Variants in NLRP4 observed in about 807,000 individuals in gnomAD.
The protein encoded by NLRP4 is NACHT, LRR and PYD domains-containing protein 4.
NLRP4 carries 44 observed loss-of-function variants against 84.7 expected under a neutral mutation model. The observed-to-expected ratio is 0.52, with a 90% CI of 0.41 to 0.67. NLRP4 has a LOEUF of 0.67. Ranked by LOEUF, NLRP4 falls within the 30% of genes least tolerant of loss-of-function variation. The probability of loss-of-function intolerance (pLI) is 0.00; values close to 1 mark genes in which losing one functional copy is unlikely to be tolerated. For missense variants in NLRP4, 1,260 were observed against 1,219.4 expected (o/e 1.03, Z -0.50); for synonymous variants, 544 against 476.4 (o/e 1.14, Z -1.85).
chr19:55,849,723 A>G (rs978939978), intron 1 of NLRP4, among the ~76,000 whole-genome samples: 19 of 152,246 alleles, frequency 1.2e-4, no homozygotes, highest in Admixed American at 2.6e-4. Context: ...TGTAATTTCT[A>G]TATTTACAGT....
At chr19:55,849,953 G>GCC (rs1568658164) in intron 1 of NLRP4, among the ~76,000 whole-genome samples, 2 of 93,996 alleles carry the variant, frequency 2.1e-5, no homozygotes, top group African/African-American at 6.8e-5. Context: ...TAATTTCCGA[G>GCC]ACTGCGGTGT....
chr19:55,850,013 GACTGCGGTGTGATTTCCGAGA>G (rs1232570418), intron 1 of NLRP4, among the ~76,000 whole-genome samples: 16 of 113,166 alleles, frequency 1.4e-4, no homozygotes, highest in Admixed American at 1.1e-3. Context: ...TGATTTCCGA[GACTGCGGTGTGATTTCCGAGA>G]CTGCGGTGTG....
At chr19:55,878,219 A>G (rs1164001914) in intron 8 of NLRP4, among the ~76,000 whole-genome samples, 3 of 151,458 alleles carry the variant, frequency 2.0e-5, no homozygotes, top group African/African-American at 7.3e-5. Context: ...ATGAGCCATG[A>G]TCATGCCACT....
At chr19:55,848,200 C>T (rs892787758) in intron 1 of NLRP4, among the ~76,000 whole-genome samples, 3 of 151,946 alleles carry the variant, frequency 2.0e-5, no homozygotes, top group South Asian at 2.1e-4. Context: ...GTTTGTGTGA[C>T]GTTTATCTCA....
intron 1 of NLRP4, among the ~76,000 whole-genome samples, chr19:55,844,869 G>T (rs1460104611): frequency 1.3e-5 from 2 of 152,118 alleles, no homozygotes; most frequent in Non-Finnish European, 2.9e-5. Flanking sequence ...TGGTAGAGGA[G>T]TGTGTGTGCG....
At chr19:55,845,157 C>A (rs934813562) in intron 1 of NLRP4, among the ~76,000 whole-genome samples, 8 of 146,190 alleles carry the variant, frequency 5.5e-5, no homozygotes, top group Admixed American at 3.4e-4. Context: ...GGTACATCTC[C>A]TAATGCTATC....
At chr19:55,855,029 G>A (rs114210506) in intron 2 of NLRP4, among the ~76,000 whole-genome samples, 1,701 of 152,224 alleles carry the variant, frequency 0.011, 38 homozygotes, top group African/African-American at 0.039. Flanking sequence ...TGGCCACCCA[G>A]TCCAAATTTT....
At chr19:55,879,005 G>T (rs536791596) in intron 9 of NLRP4, 41 bp downstream of exon 9, 1 of 1,489,178 alleles carries the variant, frequency 6.7e-7, no homozygotes, top group Middle Eastern at 1.8e-4. Flanking sequence ...AGAGTGCTCC[G>T]GGCTAAGAAG....
intron 1 of NLRP4, among the ~76,000 whole-genome samples, chr19:55,847,824 C>T (rs1207980562): frequency 6.6e-6 from 1 of 151,646 alleles, no homozygotes; most frequent in East Asian, 1.9e-4. Context: ...AAGTGACTCT[C>T]CTGCCTCAGC....
chr19:55,864,903 A>G (rs1600235210), intron 5 of NLRP4, among the ~76,000 whole-genome samples: 1 of 152,312 alleles, frequency 6.6e-6, no homozygotes, highest in East Asian at 1.9e-4. Context: ...TATATATTCA[A>G]GTCCTTCACA....
intron 6 of NLRP4, among the ~76,000 whole-genome samples, chr19:55,868,757 G>A (rs1207389782): frequency 6.6e-6 from 1 of 152,042 alleles, no homozygotes; most frequent in Non-Finnish European, 1.5e-5. Flanking sequence ...AAATATCACT[G>A]GAAGAAATAG....
intron 7 of NLRP4, among the ~76,000 whole-genome samples, chr19:55,873,503 A>G (rs927839058): frequency 1.3e-5 from 2 of 152,200 alleles, no homozygotes; most frequent in Admixed American, 6.5e-5. Flanking sequence ...AAAGATTGCC[A>G]TATTAAAACG....
chr19:55,856,391 C>T (rs148941243), intron 2 of NLRP4, among the ~76,000 whole-genome samples: 103 of 152,280 alleles, frequency 6.8e-4, no homozygotes, highest in African/African-American at 2.3e-3. Flanking sequence ...ATAGACTCCA[C>T]TCCCCTTCCC....
At chr19:55,863,205 T>A (rs914890491) in intron 5 of NLRP4, among the ~76,000 whole-genome samples, 1 of 152,206 alleles carries the variant, frequency 6.6e-6, no homozygotes, top group Admixed American at 6.5e-5. Context: ...TGAGCCAGAC[T>A]CAAGAGTACA....
intron 9 of NLRP4, among the ~76,000 whole-genome samples, chr19:55,879,991 CATT>C (rs1368727297): frequency 6.6e-6 from 1 of 151,638 alleles, no homozygotes; most frequent in African/African-American, 2.4e-5. Context: ...ATCCCACAAA[CATT>C]ATTTTACTAG....
At chr19:55,838,546 TG>T (rs1335120364) in intron 1 of NLRP4, among the ~76,000 whole-genome samples, 2 of 152,100 alleles carry the variant, frequency 1.3e-5, no homozygotes, top group Non-Finnish European at 2.9e-5. Context: ...ACCTAGTTTG[TG>T]GTACGTTGTC....
chr19:55,837,899 G>T (rs911380116), intron 1 of NLRP4, among the ~76,000 whole-genome samples: 5 of 152,090 alleles, frequency 3.3e-5, no homozygotes, highest in African/African-American at 1.2e-4. Flanking sequence ...AGCTGGGTAT[G>T]GTGGCAGGTG....
At position 55,881,655 on chromosome 19, in the gene NLRP4, A is replaced by T; in HGVS notation, c.*68A>T. On this transcript the variant is annotated 3_prime_UTR_variant, in exon 10 of 10. Transcript: ENST00000301295. ...AGGGACTGGGACCGTTACTTACATG[A>T]CACTGCACCCAGGAGATACAAATCA... 2.7e-6 allele frequency: 2 copies of T among 735,696 alleles called. No individual in the cohort carries two copies. Among genetic ancestry groups the T allele is most frequent in the South Asian group, 1.6e-5 (1 of 61,334 alleles). 45.6% of individuals were successfully genotyped at this position (735,696 alleles called of 1,614,324 possible).
rs933080301 is a variant in NLRP4 at position 55,862,222 on chromosome 19, G to A, written c.2186+63G>A. ...AGAGAAGACTATAGCCTAAGTCTCC[G>A]TTTATTGAGACCACTGATTAGGTTT... On this transcript the variant is annotated intron_variant, in intron 5 of 9. Coordinates refer to ENST00000301295, the MANE Select transcript of NLRP4 (RefSeq NM_134444.5). The A allele has an allele frequency of 6.4e-5, 56 of 872,846 alleles. 2 individuals carry two copies. The highest frequency in any genetic ancestry group is 9.2e-5 in the South Asian group (5 of 54,358). 54.1% of individuals were successfully genotyped at this position (872,846 alleles called of 1,614,324 possible).
Sources: gnomAD v4.1 joint callset for allele counts (sites outside exome capture counted in the v4.1 genomes callset) on GRCh38, gnomAD v4.1.1 for gene constraint, MANE v1.5 for transcripts, NCBI Gene and HGNC (gene_info 2026-07-23, HGNC 2026-07-21) for gene names.